MYRFL: variants seen among roughly 807,000 people sequenced by gnomAD.
MYRFL encodes the protein myelin regulatory factor-like protein.
Under a neutral mutation model 109.4 loss-of-function variants are expected in MYRFL, and 88 were observed. The observed-to-expected ratio is 0.80, with a 90% CI of 0.68 to 0.96. MYRFL has a LOEUF of 0.96. Among genes scored for constraint, MYRFL ranks in the 40% least tolerant of loss-of-function variants. The pLI is 0.00. For synonymous variants in MYRFL, 324 were observed against 320.9 expected, an observed-to-expected ratio of 1.01 and a Z score of -0.10; for missense variants, 957 against 954.9, an observed-to-expected ratio of 1.00 and a Z score of -0.03.
intron 1 of MYRFL, among the ~76,000 whole-genome samples, chr12:69,852,639 G>A (rs576569694): frequency 1.4e-5 from 2 of 146,576 alleles, no homozygotes; most frequent in Admixed American, 6.9e-5. Flanking sequence ...TCACAGAGGG[G>A]GATTTGGCAG....
chr12:69,851,654 T>C (rs1883881065), intron 1 of MYRFL, among the ~76,000 whole-genome samples: 1 of 152,146 alleles, frequency 6.6e-6, no homozygotes, highest in Non-Finnish European at 1.5e-5. Context: ...GGACATAATA[T>C]CACTTACATA....
chr12:69,845,060 AT>A (rs1883449381), intron 1 of MYRFL, among the ~76,000 whole-genome samples: 1 of 152,050 alleles, frequency 6.6e-6, no homozygotes, highest in African/African-American at 2.4e-5. Flanking sequence ...TCTGCCCTTG[AT>A]CCCTGCATGG....
intron 8 of MYRFL, among the ~76,000 whole-genome samples, chr12:69,895,002 A>G (rs751644719): frequency 6.6e-6 from 1 of 152,226 alleles, no homozygotes; most frequent in Non-Finnish European, 1.5e-5. Context: ...TGCTTCAGTC[A>G]GGAGGTGAGT....
intron 13 of MYRFL, among the ~76,000 whole-genome samples, chr12:69,912,526 T>C (rs1390418897): frequency 6.6e-6 from 1 of 152,202 alleles, no homozygotes; most frequent in Non-Finnish European, 1.5e-5. Flanking sequence ...TTTCTATGAT[T>C]CTGACTACAT....
chr12:69,902,477 G>C (rs950702125), intron 10 of MYRFL, among the ~76,000 whole-genome samples: 1 of 152,054 alleles, frequency 6.6e-6, no homozygotes, highest in African/African-American at 2.4e-5. Context: ...GGAAACCATT[G>C]TTATTGGTTT....
At chr12:69,914,811 A>G (rs1452835082) in intron 13 of MYRFL, among the ~76,000 whole-genome samples, 1 of 152,186 alleles carries the variant, frequency 6.6e-6, no homozygotes. Context: ...CAGTTTATAA[A>G]TTGGTAAAAC....
intron 7 of MYRFL, among the ~76,000 whole-genome samples, chr12:69,891,599 T>TTCTTTCTTTCTTTCTTTCTTTCTTTC (rs1183414900): frequency 7.4e-6 from 1 of 135,862 alleles, no homozygotes; most frequent in African/African-American, 3.0e-5. Context: ...CTTTCTTTCT[T>TTCTTTCTTTCTTTCTTTCTTTCTTTC]TCTTTCTCTT....
chr12:69,852,554 G>T (rs1292451638), intron 1 of MYRFL, among the ~76,000 whole-genome samples: 6 of 147,046 alleles, frequency 4.1e-5, no homozygotes, highest in Non-Finnish European at 9.0e-5. Flanking sequence ...AGGCTTGCAG[G>T]CAGGCTGTTT....
intron 11 of MYRFL, among the ~76,000 whole-genome samples, chr12:69,909,398 C>T (rs1403435471): frequency 6.6e-6 from 1 of 152,188 alleles, no homozygotes; most frequent in African/African-American, 2.4e-5. Flanking sequence ...TTTGGTTCCT[C>T]TATCACATGG....
chr12:69,862,465 A>G lies in MYRFL; in HGVS notation c.137+7095A>G, dbSNP rs866346785. ...AGTTCTCCTTGAAGAGGTCCTTCAC[A>G]TCCCTTGTAAGTTGGATTCCTAGGT... On this transcript the variant is annotated intron_variant, in intron 2 of 24. Coordinates refer to ENST00000552032, the MANE Select transcript of MYRFL (RefSeq NM_182530.3). Among the ~76,000 whole-genome samples, 1,089 of 151,686 alleles carry G rather than the reference A, an allele frequency of 7.2e-3. 10 individuals carry two copies. The highest frequency in any genetic ancestry group is 0.012 in the Non-Finnish European group (799 of 67,712).
intron 12 of MYRFL, 110 bp downstream of exon 12, chr12:69,910,187 T>C (rs1280133740): frequency 1.4e-6 from 1 of 722,290 alleles, no homozygotes; most frequent in Admixed American, 3.4e-5. Flanking sequence ...TATGTTGATC[T>C]AACTTGTTCT....
chr12:69,886,001 A>G (rs10784793), intron 5 of MYRFL, among the ~76,000 whole-genome samples: 55,199 of 151,928 alleles, frequency 0.36, 10,923 homozygotes, highest in African/African-American at 0.52. Flanking sequence ...AAAGCTAATT[A>G]GACCACAGAA....
chr12:69,832,658 G>A (rs927672278), intron 1 of MYRFL, among the ~76,000 whole-genome samples: 10 of 152,104 alleles, frequency 6.6e-5, no homozygotes, highest in Admixed American at 1.3e-4. Flanking sequence ...CAACTGTGCC[G>A]TCACTGAGCT....
At chr12:69,912,845 G>A (rs1386476769) in intron 13 of MYRFL, among the ~76,000 whole-genome samples, 1 of 152,120 alleles carries the variant, frequency 6.6e-6, no homozygotes, top group Non-Finnish European at 1.5e-5. Context: ...GGATCACATG[G>A]CAATTCTATT....
chr12:69,885,316 T>G (rs552941464), intron 5 of MYRFL, among the ~76,000 whole-genome samples: 3 of 146,316 alleles, frequency 2.1e-5, no homozygotes, highest in Admixed American at 1.3e-4. Context: ...CCAAGAGAAA[T>G]ACTTTTTTTT....
intron 6 of MYRFL, among the ~76,000 whole-genome samples, chr12:69,887,732 T>A (rs1886547179): frequency 6.6e-6 from 1 of 152,204 alleles, no homozygotes; most frequent in Non-Finnish European, 1.5e-5. Context: ...ACTTTCATGG[T>A]GGATGTACTA....
intron 6 of MYRFL, among the ~76,000 whole-genome samples, chr12:69,887,985 G>T (rs964083433): frequency 2.0e-5 from 3 of 152,152 alleles, no homozygotes; most frequent in Non-Finnish European, 4.4e-5. Context: ...AGAAATATGA[G>T]CACCGAGGTA....
intron 11 of MYRFL, among the ~76,000 whole-genome samples, chr12:69,906,806 CAGAT>C (rs1249646105): frequency 6.6e-6 from 1 of 152,184 alleles, no homozygotes; most frequent in East Asian, 1.9e-4. Context: ...CACCAGATGA[CAGAT>C]AGCCTTCCCT....
At chr12:69,905,138 C>G (rs1278531884) in intron 11 of MYRFL, among the ~76,000 whole-genome samples, 1 of 152,206 alleles carries the variant, frequency 6.6e-6, no homozygotes, top group Admixed American at 6.5e-5. Flanking sequence ...GATCATCTGT[C>G]TGCATTTCAG....
Sources: allele counts gnomAD v4.1 joint callset (sites outside exome capture counted in the v4.1 genomes callset), GRCh38; gene constraint gnomAD v4.1.1; transcripts MANE v1.5; gene names NCBI Gene and HGNC (gene_info 2026-07-23, HGNC 2026-07-21).